Variants in WDR36 observed in about 807,000 individuals in gnomAD.
WDR36 encodes the protein WD repeat domain 36, also known as WD repeat-containing protein 36.
WDR36 carries 63 observed loss-of-function variants against 112.7 expected under a neutral mutation model. That is an observed-to-expected ratio of 0.56 (90% CI 0.46 to 0.69). The LOEUF (loss-of-function observed/expected upper bound fraction) is 0.69. WDR36 is among the 30% of genes least tolerant of loss of function. WDR36 has a pLI of 0.00. For synonymous variants in WDR36, 410 were observed against 362.2 expected, an observed-to-expected ratio of 1.13 and a Z score of -1.50; for missense variants, 1,226 against 1,070.3, an observed-to-expected ratio of 1.15 and a Z score of -2.03.
At chr5:111,094,720 C>T (rs1295203640) in intron 1 of WDR36, among the ~76,000 whole-genome samples, 200 bp from the exon 2 acceptor site, 1 of 152,144 alleles carries the variant, frequency 6.6e-6, no homozygotes, top group East Asian at 1.9e-4. Flanking sequence ...CATTTGCCTA[C>T]CCCTTCCATC....
intron 16 of WDR36, among the ~76,000 whole-genome samples, chr5:111,115,440 TTAAG>T (rs1753436750): frequency 6.6e-6 from 1 of 152,138 alleles, no homozygotes; most frequent in Non-Finnish European, 1.5e-5. Context: ...ATTAGAGAAA[TTAAG>T]TGATTTGCCC....
At chr5:111,109,986 T>G (rs1404890739) in intron 12 of WDR36, among the ~76,000 whole-genome samples, 1 of 151,490 alleles carries the variant, frequency 6.6e-6, no homozygotes, top group Non-Finnish European at 1.5e-5. Flanking sequence ...CTTCATACTT[T>G]TTAAAGAATG....
intron 22 of WDR36, 61 bp downstream of exon 22, chr5:111,125,856 CA>C: frequency 1.9e-6 from 3 of 1,586,810 alleles, no homozygotes; most frequent in Non-Finnish European, 2.6e-6. Context: ...TGCTATCTAA[CA>C]GAACTTTCTG....
intron 1 of WDR36, among the ~76,000 whole-genome samples, chr5:111,093,415 G>A (rs1036733527): frequency 6.6e-6 from 1 of 152,174 alleles, no homozygotes; most frequent in South Asian, 2.1e-4. Context: ...TGTCTCTCTT[G>A]GAGGATTGTG....
At chr5:111,099,452 TTTTTTTTTTTG>T (rs1753069671) in intron 4 of WDR36, among the ~76,000 whole-genome samples, 1 of 74,894 alleles carries the variant, frequency 1.3e-5, no homozygotes, top group African/African-American at 6.6e-5. Flanking sequence ...TTTTTTTTTG[TTTTTTTTTTTG>T]TTTTTTTTTT....
intron 3 of WDR36, among the ~76,000 whole-genome samples, chr5:111,098,116 G>A (rs766789633): frequency 5.3e-4 from 81 of 152,240 alleles, no homozygotes; most frequent in Admixed American, 1.1e-3. Flanking sequence ...TAGGGGTGGG[G>A]AGGCGTCAGA....
chr5:111,103,649 C>A, intron 6 of WDR36, 137 bp from the exon 7 acceptor site: 1 of 1,098,758 alleles, frequency 9.1e-7, no homozygotes, highest in Non-Finnish European at 1.3e-6. Flanking sequence ...AATGGTAATA[C>A]TTGCTGAGTT....
At chr5:111,106,232 C>G in intron 11 of WDR36, 89 bp downstream of exon 11, 1 of 1,218,772 alleles carries the variant, frequency 8.2e-7, no homozygotes, top group Non-Finnish European at 1.2e-6. Context: ...TTAATAAATG[C>G]TTTTACAAAT....
At chr5:111,096,329 C>G (rs1317709735) in intron 2 of WDR36, among the ~76,000 whole-genome samples, 1 of 152,046 alleles carries the variant, frequency 6.6e-6, no homozygotes, top group Non-Finnish European at 1.5e-5. Context: ...TTGGGTTGGT[C>G]CAAAGGGTAG....
Position 111,120,998 on chromosome 5 carries a change from G to A in WDR36, c.2005G>A (p.Val669Ile), listed in dbSNP as rs773097670. The stretch of plus-strand genomic sequence containing the variant: ...TTTACCTGAAAAATTTTTTTAAGAT[G>A]TAGAAGTATCAGAAGAAACAGTAGA... ...MLPGTCQTQD[V>I]EVSEETVEPS... is the part of the protein sequence containing the mutation. Residue 669 changes from valine to isoleucine, a missense_variant and splice_region_variant, in exon 19 of 23, where the codon GTA (valine) becomes ATA (isoleucine). Physicochemically the swap from Val to Ile is conservative, Grantham distance 29. Transcript: ENST00000513710. The A allele has an allele frequency of 8.1e-6, 13 of 1,612,464 alleles. No individual in the cohort carries two copies. The highest frequency in any genetic ancestry group is 8.0e-5 in the African/African-American group (6 of 74,864).
At chr5:111,119,197 AT>A in intron 17 of WDR36, 77 bp downstream of exon 17, 1 of 1,164,536 alleles carries the variant, frequency 8.6e-7, no homozygotes, top group Non-Finnish European at 1.3e-6. Flanking sequence ...TAAAATTGTC[AT>A]TTAGGCTGTT....
chr5:111,113,824 C>A (rs528368108), intron 16 of WDR36, among the ~76,000 whole-genome samples: 2 of 152,188 alleles, frequency 1.3e-5, no homozygotes, highest in South Asian at 4.2e-4. Context: ...TAGCTTGAGT[C>A]TGTCTTTCTC....
chr5:111,111,131 G>T (rs1753329303), intron 14 of WDR36, 39 bp from the exon 15 acceptor site: 4 of 1,598,270 alleles, frequency 2.5e-6, no homozygotes, highest in African/African-American at 1.3e-5. Context: ...TAGTTCAAGG[G>T]TTTTTTGTTT....
At chr5:111,126,243 T>C (rs1248879731) in intron 22 of WDR36, among the ~76,000 whole-genome samples, 1 of 152,128 alleles carries the variant, frequency 6.6e-6, no homozygotes, top group East Asian at 1.9e-4. Flanking sequence ...TTTGTTTTTT[T>C]TTCTACTACT....
At chr5:111,120,914 T>G (rs952637343) in intron 18 of WDR36, 82 bp from the exon 19 acceptor site, 58 of 1,221,984 alleles carry the variant, frequency 4.7e-5, no homozygotes, top group Non-Finnish European at 6.7e-5. Flanking sequence ...GAACATGTTA[T>G]GAAATACAGA....
In WDR36 at chr5:111,110,869, A is replaced by C. The variant is rs1180348662; in HGVS notation, c.1523A>C (p.Lys508Thr). 1 of 1,611,736 alleles carries C rather than the reference A, an allele frequency of 6.2e-7. No homozygotes were observed. Among genetic ancestry groups the C allele is most frequent in the Non-Finnish European group, 8.5e-7 (1 of 1,178,590 alleles). The change falls in exon 14 of 23, where the codon AAA (lysine) becomes ACA (threonine). Residue 508 changes from lysine to threonine, a missense_variant. Physicochemically the swap from Lys to Thr is moderately conservative, Grantham distance 78. Coordinates refer to ENST00000513710, the MANE Select transcript of WDR36 (RefSeq NM_139281.3). ...ACAACTGGTAGTGAAGGATTACTCA[A>C]ATTCTGGAACTTTAAAAACAAAATT... ...TVTTGSEGLL[K>T]FWNFKNKILI...
intron 12 of WDR36, among the ~76,000 whole-genome samples, chr5:111,108,030 C>T (rs1403225345): frequency 6.6e-6 from 1 of 151,222 alleles, no homozygotes; most frequent in Non-Finnish European, 1.5e-5. Context: ...AAAAAAGCAG[C>T]TATGATTTTG....
chr5:111,119,162 T>C (rs1205293455), intron 17 of WDR36, 42 bp downstream of exon 17: 6 of 1,497,216 alleles, frequency 4.0e-6, no homozygotes, highest in South Asian at 1.1e-5. Flanking sequence ...TGAAGAAGAT[T>C]GTATTGTCAG....
At chr5:111,102,255 C>A in intron 5 of WDR36, 90 bp from the exon 6 acceptor site, 1 of 928,892 alleles carries the variant, frequency 1.1e-6, no homozygotes, top group Non-Finnish European at 1.7e-6. Flanking sequence ...TAAATATCAC[C>A]TATTATTATT....
Sources: allele counts gnomAD v4.1 joint callset (sites outside exome capture counted in the v4.1 genomes callset), GRCh38; gene constraint gnomAD v4.1.1; transcripts MANE v1.5; gene names NCBI Gene and HGNC (gene_info 2026-07-23, HGNC 2026-07-21).